GMPPA: variants seen among roughly 807,000 people sequenced by gnomAD.
GMPPA encodes GDP-mannose pyrophosphorylase A.
GMPPA carries 46 observed loss-of-function variants against 58.6 expected under a neutral mutation model. That is an observed-to-expected ratio of 0.78 (90% confidence interval 0.62 to 1.00). The LOEUF (loss-of-function observed/expected upper bound fraction) is 1.00. Among genes scored for constraint, GMPPA ranks in the 50% least tolerant of loss-of-function variants. The pLI is 0.00. For synonymous variants in GMPPA, 211 were observed against 214.9 expected (o/e 0.98, Z 0.16); for missense variants, 468 against 556.4 (o/e 0.84, Z 1.60).
Position 219,501,497 on chromosome 2 carries a change from CT to C in GMPPA, c.161del (p.Leu54ArgfsTer16). 1 of 1,608,208 alleles carries C rather than the reference CT, an allele frequency of 6.2e-7. No individual in the cohort carries two copies. The highest frequency in any genetic ancestry group is 2.2e-5 in the East Asian group (1 of 44,862). On this transcript the variant is annotated frameshift_variant, in exon 4 of 13. Transcript: ENST00000313597. LOFTEE classifies it high-confidence loss of function. ...TCAGGTCCCTGGAATGCAGGAGATT[CT>C]GCTCATTGGCTTCTACCAACCTGAT... ...CAQVPGMQEI[L>X]LIGFYQPDEP...
At position 219,505,300 on chromosome 2, in the gene GMPPA, A is replaced by G; in HGVS notation, c.693A>G (p.Ala231=). The stretch of plus-strand genomic sequence containing the variant: ...AGCAGGATGTGTTTTCAGCCCTGGC[A>G]GGGCAGGGCCAGATATACGTGCATC... ...RLEQDVFSAL[A]GQGQIYVHLT... is the part of the protein sequence containing the mutation. The change falls in exon 8 of 13, where the codon GCA becomes GCG. Residue 231 remains alanine, a synonymous_variant. Coordinates refer to ENST00000313597, the MANE Select transcript of GMPPA (RefSeq NM_013335.4). 6.2e-7 allele frequency: 1 copy of G among 1,613,944 alleles called. No individual in the cohort carries two copies. The highest frequency in any genetic ancestry group is 8.5e-7 in the Non-Finnish European group (1 of 1,179,824).
intron 6 of GMPPA, among the ~76,000 whole-genome samples, chr2:219,503,727 G>A (rs1170364519): frequency 6.6e-6 from 1 of 152,228 alleles, no homozygotes; most frequent in African/African-American, 2.4e-5. Context: ...GACGCACAGA[G>A]AGAGTGACAG....
At chr2:219,505,879 C>A in intron 10 of GMPPA, 101 bp from the exon 11 acceptor site, 1 of 1,140,688 alleles carries the variant, frequency 8.8e-7, no homozygotes, top group Non-Finnish European at 1.3e-6. Flanking sequence ...TATTGTGTGT[C>A]CTCGAGCAGG....
Position 219,505,467 on chromosome 2 carries a change from C to T in GMPPA, c.765C>T (p.Leu255=). The T allele has an allele frequency of 6.4e-7, 1 of 1,566,456 alleles. No homozygotes were observed. ...WSQIKSAGSA[L]YASRLYLSRY... ...CCCTTGCGGTCCCCAGTTCAGCCCT[C>T]TACGCCTCCCGCCTCTACCTGAGCC... The change falls in exon 9 of 13, where the codon CTC becomes CTT. Residue 255 remains leucine, a synonymous_variant. Transcript: ENST00000313597.
Position 219,505,672 on chromosome 2 carries a change from C to A in GMPPA, c.854-43C>A, listed in dbSNP as rs755535192. ...ATCCCTGCCCCTTCCTGATCAAATT[C>A]GGTTTGGGATATTTGCCCCCAGGGC... On this transcript the variant is annotated intron_variant, in intron 9 of 12. Transcript: ENST00000313597. 3.1e-6 allele frequency: 5 copies of A among 1,607,920 alleles called. No homozygotes were observed. The highest frequency in any genetic ancestry group is 4.5e-5 in the East Asian group (2 of 44,858).
rs1379307036 is a variant in GMPPA, at chr2:219,502,807, G to A, written c.489+366G>A. On this transcript the variant is annotated intron_variant, in intron 6 of 12. Transcript: ENST00000313597. The surrounding 1 kb of genome is among the most constrained non-coding windows in gnomAD (Gnocchi z 4.0). ...AGACAGGAAGGTACTACAGGCAGAGGGAATGGCAGGTATAAAGGCCTGGAG... is the reference window on the plus strand; with the variant it reads ...AGACAGGAAGGTACTACAGGCAGAGAGAATGGCAGGTATAAAGGCCTGGAG... Among the ~76,000 whole-genome samples the A allele has an allele frequency of 4.6e-5, 7 of 152,070 alleles. No homozygotes were observed. The highest frequency in any genetic ancestry group is 1.4e-4 in the African/African-American group (6 of 41,390).
intron 4 of GMPPA, 125 bp from the exon 5 acceptor site, chr2:219,501,726 T>C (rs533554574): frequency 4.4e-6 from 4 of 918,484 alleles, no homozygotes; most frequent in South Asian, 1.5e-5. Flanking sequence ...TCTGAGTATA[T>C]AGAGTTTCTC....
intron 7 of GMPPA, chr2:219,504,896 C>T: frequency 3.5e-6 from 4 of 1,143,592 alleles, no homozygotes; most frequent in Non-Finnish European, 4.3e-6. Context: ...TCATTCCATC[C>T]AATGAGGGGG....
chr2:219,499,645 T>C, intron 1 of GMPPA: 1 of 368,964 alleles, frequency 2.7e-6, no homozygotes. Context: ...GGAATCTGGG[T>C]TGGGATTTGA....
In GMPPA at chr2:219,500,115, TC is replaced by T. The variant is rs768626896; in HGVS notation, c.41-3del. ...GGCCGAAATGTTCTCCTCTCTCCTC[TC>T]CCAGGAACTCGCTTCAGACCTTTGT... On this transcript the variant is annotated splice_region_variant and splice_polypyrimidine_tract_variant and intron_variant, in intron 2 of 12. Coordinates refer to ENST00000313597, the MANE Select transcript of GMPPA (RefSeq NM_013335.4). 6.2e-7 allele frequency: 1 copy of T among 1,606,328 alleles called. No homozygotes were observed. The highest frequency in any genetic ancestry group is 8.5e-7 in the Non-Finnish European group (1 of 1,174,928).
At position 219,505,698 on chromosome 2, in the gene GMPPA, C is replaced by T. The variant is rs1475987254; in HGVS notation, c.854-17C>T. The T allele has an allele frequency of 9.9e-6, 16 of 1,612,736 alleles. No individual in the cohort carries two copies. Among genetic ancestry groups the T allele is most frequent in the Non-Finnish European group, 1.4e-5 (16 of 1,179,512 alleles). On this transcript the variant is annotated splice_polypyrimidine_tract_variant and intron_variant, in intron 9 of 12. Transcript: ENST00000313597. ...GGTTTGGGATATTTGCCCCCAGGGC[C>T]TCTCTTCTGCTTCTAGGGAATGTGT...
chr2:219,505,015 T>A, intron 7 of GMPPA: 1 of 839,664 alleles, frequency 1.2e-6, no homozygotes, highest in Non-Finnish European at 1.8e-6. Context: ...TGCCTGGGGC[T>A]CCCTTGTGAT....
At position 219,502,040 on chromosome 2, in the gene GMPPA, G is replaced by GCCCC. The variant is rs1390150181; in HGVS notation, c.429+3_429+4insCCCC. 1.2e-6 allele frequency: 2 copies of GCCCC among 1,614,042 alleles called. No individual in the cohort carries two copies. The highest frequency in any genetic ancestry group is 2.2e-5 in the South Asian group (2 of 91,084). Reference sequence around the variant, plus strand: ...CTTTCTTACTCCTTGGCACTACGGTGAGGGGGTCAGGAGGGCTGGAGGGTG... The same window carrying GCCCC: ...CTTTCTTACTCCTTGGCACTACGGTGCCCCAGGGGGTCAGGAGGGCTGGAGGGTG... On this transcript the variant is annotated splice_donor_region_variant and intron_variant, in intron 5 of 12. Transcript: ENST00000313597. This position sits in a 1 kb window ranked among gnomAD's most constrained non-coding sequence, Gnocchi z 4.0.
chr2:219,501,480 C>T lies in GMPPA; in HGVS notation c.143C>T (p.Pro48Leu), dbSNP rs1694387412. Residue 48 changes from proline to leucine, a missense_variant, in exon 4 of 13, where the codon CCT (proline) becomes CTT (leucine). Pro to Leu is a moderately conservative substitution (Grantham distance 98). Coordinates refer to ENST00000313597, the MANE Select transcript of GMPPA (RefSeq NM_013335.4). ...AGCCTCTTCCCTTGTCCTCAGGTCC[C>T]TGGAATGCAGGAGATTCTGCTCATT... ...QHHIEACAQVPGMQEILLIGF... is the reference protein window; with the variant it reads ...QHHIEACAQVLGMQEILLIGF... 2 of 1,586,700 alleles carry T rather than the reference C, an allele frequency of 1.3e-6. No individual in the cohort carries two copies. Among genetic ancestry groups the T allele is most frequent in the Admixed American group, 1.7e-5 (1 of 59,998 alleles).
intron 4 of GMPPA, 107 bp from the exon 5 acceptor site, chr2:219,501,744 C>A: frequency 4.0e-6 from 4 of 1,008,698 alleles, no homozygotes; most frequent in Non-Finnish European, 4.6e-6. Context: ...CTCTGTGGGC[C>A]TTGGGCAGGA....
At chr2:219,501,603 T>G in intron 4 of GMPPA, 24 bp downstream of exon 4, 3 of 1,347,222 alleles carry the variant, frequency 2.2e-6, no homozygotes, top group Non-Finnish European at 3.2e-6. Flanking sequence ...CACTCGTATA[T>G]GGGGGGGTGG....
intron 1 of GMPPA, 148 bp from the exon 2 acceptor site, chr2:219,499,808 T>C (rs1187355516): frequency 4.5e-6 from 3 of 673,100 alleles, no homozygotes; most frequent in Non-Finnish European, 8.2e-6. Flanking sequence ...ATTTGAGATG[T>C]GTGGGATTTG....
At chr2:219,501,671 C>A in intron 4 of GMPPA, 92 bp downstream of exon 4, 1 of 946,366 alleles carries the variant, frequency 1.1e-6, no homozygotes, top group Non-Finnish European at 1.7e-6. Flanking sequence ...TGCTGGAGTT[C>A]ATCCTCGCCT....
intron 1 of GMPPA, 117 bp from the exon 2 acceptor site, chr2:219,499,839 G>C (rs1411232104): frequency 1.3e-6 from 1 of 775,708 alleles, no homozygotes; most frequent in Non-Finnish European, 2.3e-6. Context: ...GGTCCAGGCA[G>C]AGACTATATT....
Sources: allele counts gnomAD v4.1 joint callset (sites outside exome capture counted in the v4.1 genomes callset), GRCh38; gene constraint gnomAD v4.1.1; non-coding constraint Gnocchi (gnomAD v3.1); transcripts MANE v1.5; gene names NCBI Gene and HGNC (gene_info 2026-07-23, HGNC 2026-07-21).